PDIA3: variants seen among roughly 807,000 people sequenced by gnomAD.
PDIA3 encodes protein disulfide isomerase family A member 3.
A neutral mutation model predicts 56.9 loss-of-function variants in PDIA3; 16 were observed. That is an observed-to-expected ratio of 0.28 (90% CI 0.19 to 0.43). The LOEUF is 0.43. PDIA3 is among the 20% of genes least tolerant of loss of function. The probability of loss-of-function intolerance (pLI) is 1.00; values close to 1 mark genes in which losing one functional copy is unlikely to be tolerated. For synonymous variants in PDIA3, 192 were observed against 216.5 expected (o/e 0.89, Z 0.99); for missense variants, 485 against 621.3 (o/e 0.78, Z 2.33).
At chr15:43,757,573 A>AT (rs2086786853) in intron 3 of PDIA3, among the ~76,000 whole-genome samples, 1 of 147,402 alleles carries the variant, frequency 6.8e-6, no homozygotes, top group South Asian at 2.1e-4. Flanking sequence ...AAAAAAAAAA[A>AT]GTGTGGGCCA....
At chr15:43,769,425 C>A in intron 9 of PDIA3, 93 bp from the exon 10 acceptor site, 1 of 1,184,410 alleles carries the variant, frequency 8.4e-7, no homozygotes, top group Non-Finnish European at 1.2e-6. Flanking sequence ...TGTGGTAACA[C>A]ATCAAATTAG....
chr15:43,760,515 C>A (rs1596022048), intron 3 of PDIA3, among the ~76,000 whole-genome samples: 1 of 144,418 alleles, frequency 6.9e-6, no homozygotes, highest in East Asian at 2.1e-4. Flanking sequence ...AACAATGTTT[C>A]TGTTAAAAAA....
At position 43,771,626 on chromosome 15, in the gene PDIA3, C is replaced by T; in HGVS notation, c.*408C>T. 1 of 416,904 alleles carries T rather than the reference C, an allele frequency of 2.4e-6. No individual in the cohort carries two copies. The highest frequency in any genetic ancestry group is 4.2e-6 in the Non-Finnish European group (1 of 237,466). 25.8% of individuals were successfully genotyped at this position (416,904 alleles called of 1,614,324 possible). A position where few individuals can be genotyped will look rare whatever the true frequency, so the allele number is the denominator to read the frequency against. The stretch of plus-strand genomic sequence containing the variant: ...AGAGCTTTCTTCAGTGATGGAAATG[C>T]TCTGTAATCTACACTGTTCAGTACA... On this transcript the variant is annotated 3_prime_UTR_variant, in exon 13 of 13. Transcript: ENST00000300289.
chr15:43,755,894 A>C (rs2086775723), intron 2 of PDIA3, among the ~76,000 whole-genome samples: 1 of 152,014 alleles, frequency 6.6e-6, no homozygotes, highest in South Asian at 2.1e-4. Flanking sequence ...AGCCTGGGCA[A>C]CAAGAGTGAA....
chr15:43,757,557 CAAA>C (rs550598811), intron 3 of PDIA3, among the ~76,000 whole-genome samples: 2 of 93,326 alleles, frequency 2.1e-5, no homozygotes, highest in South Asian at 3.5e-4. Context: ...GACTCCGTCT[CAAA>C]AAAAAAAAAA....
At chr15:43,758,290 G>A (rs2086792870) in intron 3 of PDIA3, among the ~76,000 whole-genome samples, 1 of 152,036 alleles carries the variant, frequency 6.6e-6, no homozygotes, top group African/African-American at 2.4e-5. Flanking sequence ...TAGAGAAATT[G>A]GAAACTTTGT....
At chr15:43,758,844 G>T (rs1314975840) in intron 3 of PDIA3, among the ~76,000 whole-genome samples, 1 of 151,854 alleles carries the variant, frequency 6.6e-6, no homozygotes, top group African/African-American at 2.4e-5. Context: ...GGGCGTGGTG[G>T]TGCACACGTG....
Position 43,765,439 on chromosome 15 carries a change from T to C in PDIA3, c.603-11T>C, listed in dbSNP as rs1448033452. 7 of 1,493,582 alleles carry C rather than the reference T, an allele frequency of 4.7e-6. No individual in the cohort carries two copies. The highest frequency in any genetic ancestry group is 3.5e-4 in the Middle Eastern group (2 of 5,652). The allele number at this position is 1,493,582 out of a possible 1,614,324, so 92.5% of individuals were successfully genotyped here. A position where few individuals can be genotyped will look rare whatever the true frequency, so the allele number is the denominator to read the frequency against. On this transcript the variant is annotated splice_polypyrimidine_tract_variant and intron_variant, in intron 5 of 12. Coordinates refer to ENST00000300289, the MANE Select transcript of PDIA3 (RefSeq NM_005313.5). ...ATCTGCCTACTGAGACTTTTCTTTT[T>C]TTTTTTTAAGGGGTATCATCTTATT... is the stretch of plus-strand genomic sequence containing the variant.
In PDIA3 at chr15:43,746,869, A is replaced by C. The variant is rs1337015084; in HGVS notation, c.167+163A>C. ...CCCGGGAGCTGGAGGCGCCTCGCCG[A>C]GAGCGGGGGAGTCGGTGCTGATCGG... is the stretch of plus-strand genomic sequence containing the variant. On this transcript the variant is annotated intron_variant, in intron 1 of 12. Coordinates refer to ENST00000300289, the MANE Select transcript of PDIA3 (RefSeq NM_005313.5). The C allele has an allele frequency of 9.2e-6, 7 of 761,312 alleles. No homozygotes were observed. In the East Asian group the frequency reaches 1.9e-4, roughly 21 times the overall value. 47.2% of individuals were successfully genotyped at this position (761,312 alleles called of 1,614,324 possible).
intron 4 of PDIA3, 146 bp from the exon 5 acceptor site, chr15:43,762,931 C>A: frequency 4.6e-6 from 3 of 648,274 alleles, no homozygotes; most frequent in Non-Finnish European, 7.7e-6. Context: ...AAATATTGTG[C>A]CTGTCTGAGG....
Position 43,761,538 on chromosome 15 carries a change from A to G in PDIA3, c.472+7A>G, listed in dbSNP as rs754189358. 109 of 1,307,970 alleles carry G rather than the reference A, an allele frequency of 8.3e-5. No homozygotes were observed. The highest frequency in any genetic ancestry group is 1.1e-4 in the Non-Finnish European group (104 of 910,498). The allele number at this position is 1,307,970 out of a possible 1,614,324, so 81.0% of individuals were successfully genotyped here. A position where few individuals can be genotyped will look rare whatever the true frequency, so the allele number is the denominator to read the frequency against. On this transcript the variant is annotated splice_region_variant and intron_variant, in intron 4 of 12. Coordinates refer to ENST00000300289, the MANE Select transcript of PDIA3 (RefSeq NM_005313.5). Reference sequence around the variant, plus strand: ...AAAGATGCCTCTATAGTAGGTAAGTAGCAAATATTAAACCGTGCCACAGAA... The same window carrying G: ...AAAGATGCCTCTATAGTAGGTAAGTGGCAAATATTAAACCGTGCCACAGAA...
rs574184417 is a variant in PDIA3, at chr15:43,753,781, A to T, written c.168-43A>T. The T allele has an allele frequency of 2.1e-5, 27 of 1,313,510 alleles. 1 individual carries two copies. The East Asian group carries it at 5.1e-4, about 25-fold the overall frequency. The allele number at this position is 1,313,510 out of a possible 1,614,324, so 81.4% of individuals were successfully genotyped here. A position where few individuals can be genotyped will look rare whatever the true frequency, so the allele number is the denominator to read the frequency against. Reference sequence around the variant, plus strand: ...CTAGTGAGACAACATTAACAAATTCATAGGACTAAACTGAGAATTTGGCTT... The same window carrying T: ...CTAGTGAGACAACATTAACAAATTCTTAGGACTAAACTGAGAATTTGGCTT... On this transcript the variant is annotated intron_variant, in intron 1 of 12. Transcript: ENST00000300289.
intron 6 of PDIA3, 79 bp from the exon 7 acceptor site, chr15:43,765,808 C>T (rs764123912): frequency 2.1e-6 from 3 of 1,409,510 alleles, no homozygotes; most frequent in East Asian, 4.6e-5. Context: ...TTCATAAATG[C>T]TATCAATTAT....
rs1198644217 is a variant in PDIA3, at chr15:43,773,065, T to C, written c.*1847T>C. On this transcript the variant is annotated 3_prime_UTR_variant, in exon 13 of 13. Coordinates refer to ENST00000300289, the MANE Select transcript of PDIA3 (RefSeq NM_005313.5). The stretch of plus-strand genomic sequence containing the variant: ...GCATTCTATTTAGTTTATAGCTGCT[T>C]TGTTCCTTTGTGTTTCACTAAGCAG... 2.0e-6 allele frequency: 3 copies of C among 1,496,490 alleles called. No individual in the cohort carries two copies. The East Asian group carries it at 6.8e-5, about 34-fold the overall frequency. 92.7% of individuals were successfully genotyped at this position (1,496,490 alleles called of 1,614,324 possible).
At position 43,761,432 on chromosome 15, in the gene PDIA3, G is replaced by C. The variant is rs757621327; in HGVS notation, c.373G>C (p.Val125Leu). Residue 125 changes from valine (V) to leucine (L), a missense_variant, in exon 4 of 13, where the codon GTC (valine) becomes CTC (leucine). Physicochemically the swap from Val to Leu is conservative, Grantham distance 32 (BLOSUM62 1). Transcript: ENST00000300289. ...TTATTTTGACTTCTAAGATGGAATTGTCAGCCACTTGAAGAAGCAGGCAGG... is the reference window on the plus strand; with the variant it reads ...TTATTTTGACTTCTAAGATGGAATTCTCAGCCACTTGAAGAAGCAGGCAGG... The part of the protein sequence containing the change: ...YDGPRTADGI[V>L]SHLKKQAGPA... 6.4e-7 allele frequency: 1 copy of C among 1,573,096 alleles called. No individual in the cohort carries two copies. Among genetic ancestry groups the C allele is most frequent in the East Asian group, 2.2e-5 (1 of 44,590 alleles).
At chr15:43,751,204 A>G (rs1256879745) in intron 1 of PDIA3, among the ~76,000 whole-genome samples, 1 of 151,682 alleles carries the variant, frequency 6.6e-6, no homozygotes, top group Non-Finnish European at 1.5e-5. Context: ...GATCTTTTCA[A>G]CATCAACATT....
In PDIA3 at chr15:43,769,556, T is replaced by C; in HGVS notation, c.1176T>C (p.Asn392=). The C allele has an allele frequency of 6.2e-7, 1 of 1,613,038 alleles. No individual in the cohort carries two copies. Among genetic ancestry groups the C allele is most frequent in the South Asian group, 1.1e-5 (1 of 91,064 alleles). Residue 392 remains asparagine, a synonymous_variant, in exon 10 of 13, where the codon AAT becomes AAC. Transcript: ENST00000300289. ...AGAATTTTGATGAAATAGTGAATAA[T>C]GAAAATAAAGATGTGCTGATTGAAT... ...VAENFDEIVN[N]ENKDVLIEFY...
chr15:43,771,307 T>C lies in PDIA3; in HGVS notation c.*89T>C, dbSNP rs1471518506. On this transcript the variant is annotated 3_prime_UTR_variant, in exon 13 of 13. Transcript: ENST00000300289. ...AGGACTAGGACCCATATGGGAATTA[T>C]TACCTCTCAGGGCCGAGAGGACAGA... 10 of 783,378 alleles carry C rather than the reference T, an allele frequency of 1.3e-5. No individual in the cohort carries two copies. The highest frequency in any genetic ancestry group is 1.7e-5 in the Non-Finnish European group (8 of 466,014). 48.5% of individuals were successfully genotyped at this position (783,378 alleles called of 1,614,324 possible). A position where few individuals can be genotyped will look rare whatever the true frequency, so the allele number is the denominator to read the frequency against.
intron 1 of PDIA3, among the ~76,000 whole-genome samples, chr15:43,750,760 G>A (rs1167467811): frequency 6.6e-6 from 1 of 150,916 alleles, no homozygotes; most frequent in East Asian, 2.0e-4. Context: ...GGGCGACAGC[G>A]AGACTCCTTC....
Sources: gnomAD v4.1 joint callset for allele counts (sites outside exome capture counted in the v4.1 genomes callset) on GRCh38, gnomAD v4.1.1 for gene constraint, MANE v1.5 for transcripts, NCBI Gene and HGNC (gene_info 2026-07-23, HGNC 2026-07-21) for gene names.